The following TRDN variants were observed in gnomAD, a reference collection of about 807,000 sequenced individuals.
TRDN encodes triadin.
A neutral mutation model predicts 149.7 loss-of-function variants in TRDN; 161 were observed. The ratio of observed to expected loss-of-function variants is 1.08; its 90% CI spans 0.95 to 1.23. The LOEUF (loss-of-function observed/expected upper bound fraction) is 1.23, where lower values mean the gene tolerates loss of function less well. Among genes scored for constraint, TRDN ranks in the 50% most tolerant of loss-of-function variants. The probability of loss-of-function intolerance (pLI) is 0.00; values close to 1 mark genes in which losing one functional copy is unlikely to be tolerated. For synonymous variants in TRDN, 294 were observed against 250.5 expected (o/e 1.17, Z -1.64); for missense variants, 896 against 823.5 (o/e 1.09, Z -1.08).
At position 123,484,020 on chromosome 6, in the gene TRDN, G is replaced by A. The variant is rs117117034; in HGVS notation, c.853+13173C>T. Among the ~76,000 whole-genome samples, 40 of 152,148 alleles carry A rather than the reference G, an allele frequency of 2.6e-4. No individual in the cohort carries two copies. In the East Asian group the frequency reaches 4.4e-3, roughly 17 times the overall value. ...AATTGACTAAAAACTGTTGAGCAAC[G>A]GGTTGAATAGTCTATAATCAGTACA... On this transcript the variant is annotated intron_variant, in intron 9 of 40. Transcript: ENST00000334268.
chr6:123,504,363 A>G (rs1179720245), intron 7 of TRDN, among the ~76,000 whole-genome samples: 1 of 152,124 alleles, frequency 6.6e-6, no homozygotes, highest in African/African-American at 2.4e-5. Context: ...CATTCAAGAA[A>G]CTGAAATGCC....
intron 33 of TRDN, among the ~76,000 whole-genome samples, chr6:123,261,302 T>C (rs943310071): frequency 6.6e-6 from 1 of 151,888 alleles, no homozygotes; most frequent in Non-Finnish European, 1.5e-5. Flanking sequence ...TAAGATGCTG[T>C]CAGAAATGCA....
At chr6:123,324,242 G>C (rs1349268812) in intron 23 of TRDN, among the ~76,000 whole-genome samples, 2 of 152,102 alleles carry the variant, frequency 1.3e-5, no homozygotes, top group African/African-American at 4.8e-5. Context: ...ATAGGTTTAA[G>C]TATGAATCAT....
intron 38 of TRDN, among the ~76,000 whole-genome samples, chr6:123,251,521 C>G (rs1776371373): frequency 6.6e-6 from 1 of 151,652 alleles, no homozygotes; most frequent in Non-Finnish European, 1.5e-5. Flanking sequence ...AAAATTATTT[C>G]CACTTGTTTT....
chr6:123,400,892 T>C (rs1772941163), intron 12 of TRDN, among the ~76,000 whole-genome samples: 1 of 152,202 alleles, frequency 6.6e-6, no homozygotes, highest in South Asian at 2.1e-4. Flanking sequence ...CAGAATTGTG[T>C]GAATGTAGTC....
At chr6:123,279,596 T>G (rs546105452) in intron 24 of TRDN, among the ~76,000 whole-genome samples, 2 of 152,114 alleles carry the variant, frequency 1.3e-5, no homozygotes, top group Admixed American at 1.3e-4. Context: ...TTTTAAGGAA[T>G]ATCATCTTTA....
intron 34 of TRDN, among the ~76,000 whole-genome samples, chr6:123,260,081 G>C (rs540120834): frequency 2.8e-4 from 42 of 151,736 alleles, no homozygotes; most frequent in African/African-American, 1.0e-3. Context: ...TTACTTACAG[G>C]CATGACCCTG....
At chr6:123,570,523 C>A (rs1353532769) in intron 2 of TRDN, among the ~76,000 whole-genome samples, 2 of 152,080 alleles carry the variant, frequency 1.3e-5, no homozygotes, top group Admixed American at 1.3e-4. Context: ...AAATATTTTC[C>A]ATTTGTCCAA....
rs184959292 is a variant in TRDN, at chr6:123,427,875, G to A, written c.1051+10188C>T. Among the ~76,000 whole-genome samples, 151 of 152,226 alleles carry A rather than the reference G, an allele frequency of 9.9e-4. 2 individuals are homozygous for A. The South Asian group carries it at 0.022, about 22-fold the overall frequency. On this transcript the variant is annotated intron_variant, in intron 12 of 40. Transcript: ENST00000334268. ...ATTCTTTACTACACATAATATTTTA[G>A]TGAATGAAACCTGCAATTTTGCTTG... is the stretch of plus-strand genomic sequence containing the variant.
At chr6:123,379,419 A>G (rs1448977801) in intron 16 of TRDN, among the ~76,000 whole-genome samples, 2 of 152,234 alleles carry the variant, frequency 1.3e-5, no homozygotes, top group African/African-American at 4.8e-5. Flanking sequence ...AAATGAGAAC[A>G]TTATCAAATG....
At chr6:123,548,317 C>T in intron 3 of TRDN, 137 bp downstream of exon 3, 1 of 537,126 alleles carries the variant, frequency 1.9e-6, no homozygotes, top group Non-Finnish European at 2.9e-6. Context: ...TGTTGATATG[C>T]TTTTAGCAGT....
At chr6:123,299,042 T>C (rs1381145654) in intron 24 of TRDN, among the ~76,000 whole-genome samples, 1 of 152,060 alleles carries the variant, frequency 6.6e-6, no homozygotes, top group Non-Finnish European at 1.5e-5. Flanking sequence ...TAATTTTCTA[T>C]TGATTAGTAC....
intron 1 of TRDN, among the ~76,000 whole-genome samples, chr6:123,615,653 A>T (rs1213638125): frequency 6.6e-6 from 1 of 152,164 alleles, no homozygotes; most frequent in Non-Finnish European, 1.5e-5. Flanking sequence ...TAGACACAAA[A>T]AGACAAATAT....
rs117951319 is a variant in TRDN, at chr6:123,580,841, C to T, written c.23-9709G>A. Among the ~76,000 whole-genome samples, 106 of 152,268 alleles carry T rather than the reference C, an allele frequency of 7.0e-4. 2 individuals are homozygous for T. The East Asian group carries it at 0.019, about 27-fold the overall frequency. ...TAGTTGGTGTTTCCAAGTGGTCCAT[C>T]CTCACAGTTTGCACTTGAAGAAACT... On this transcript the variant is annotated intron_variant, in intron 1 of 40. Transcript: ENST00000334268.
chr6:123,446,162 C>T (rs1339593237), intron 10 of TRDN, among the ~76,000 whole-genome samples: 1 of 150,370 alleles, frequency 6.7e-6, no homozygotes, highest in African/African-American at 2.5e-5. Flanking sequence ...CGCATATTCT[C>T]ACTCATAGGT....
intron 31 of TRDN, among the ~76,000 whole-genome samples, chr6:123,269,057 G>T (rs1030143936): frequency 2.0e-5 from 3 of 151,910 alleles, no homozygotes; most frequent in Non-Finnish European, 4.4e-5. Context: ...GAATATATTT[G>T]ACCAACAGCC....
chr6:123,416,727 T>G (rs892834823), intron 12 of TRDN, among the ~76,000 whole-genome samples: 1 of 145,768 alleles, frequency 6.9e-6, no homozygotes, highest in Admixed American at 7.3e-5. Context: ...GTTGACAGAG[T>G]CTTGCTCTGT....
At chr6:123,240,846 T>A (rs1335874723) in intron 38 of TRDN, among the ~76,000 whole-genome samples, 1 of 151,940 alleles carries the variant, frequency 6.6e-6, no homozygotes, top group Admixed American at 6.6e-5. Context: ...TCATTGCATA[T>A]TATTTTTATC....
chr6:123,620,389 C>A (rs1785319234), intron 1 of TRDN, among the ~76,000 whole-genome samples: 1 of 152,154 alleles, frequency 6.6e-6, no homozygotes, highest in Non-Finnish European at 1.5e-5. Flanking sequence ...TACACACTGA[C>A]AAACTCTGAT....
Sources: gnomAD v4.1 joint callset for allele counts (sites outside exome capture counted in the v4.1 genomes callset) on GRCh38, gnomAD v4.1.1 for gene constraint, MANE v1.5 for transcripts, NCBI Gene and HGNC (gene_info 2026-07-23, HGNC 2026-07-21) for gene names.